The following UPF2 variants were observed in gnomAD, a reference collection of about 807,000 sequenced individuals.
UPF2 encodes UPF2 regulator of nonsense mediated mRNA decay, also known as regulator of nonsense transcripts 2.
In UPF2, 17 loss-of-function variants were observed where a neutral mutation model predicts 141.4. The ratio of observed to expected loss-of-function variants is 0.12; its 90% CI spans 0.08 to 0.18. UPF2 has a LOEUF of 0.18. Among genes scored for constraint, UPF2 ranks in the 10% least tolerant of loss-of-function variants. The pLI is 1.00. For missense variants in UPF2, 1,152 were observed against 1,515.9 expected (o/e 0.76, Z 3.99); for synonymous variants, 540 against 498.0 (o/e 1.08, Z -1.12).
At chr10:11,995,104 A>G (rs2131257027) in intron 8 of UPF2, among the ~76,000 whole-genome samples, 1 of 152,168 alleles carries the variant, frequency 6.6e-6, no homozygotes, top group Non-Finnish European at 1.5e-5. Context: ...TGCTATAAAG[A>G]ATACCTCTAT....
rs577374734 is a variant in UPF2, at chr10:12,031,622, A to T, written c.366-2098T>A. 9.9e-5 allele frequency among the ~76,000 whole-genome samples: 15 copies of T among 152,272 alleles called. No individual in the cohort carries two copies. In the East Asian group the frequency reaches 2.1e-3, roughly 22 times the overall value. ...GACCCAATCTCTACAAAAAAATTTT[A>T]AAAATTAGCTGGACATGGTGGCACA... On this transcript the variant is annotated intron_variant, in intron 2 of 21. Coordinates refer to ENST00000357604, the MANE Select transcript of UPF2 (RefSeq NM_015542.4).
chr10:12,018,167 G>GC (rs888829216), intron 3 of UPF2, among the ~76,000 whole-genome samples: 3 of 152,148 alleles, frequency 2.0e-5, no homozygotes, highest in Non-Finnish European at 4.4e-5. Context: ...CTAAGGATCG[G>GC]CCAGGCACAG....
rs1336226360 is a variant in UPF2 at position 11,973,293 on chromosome 10, CAGATGGGTAG to C, written c.1953+5754_1953+5763del. ...TAGATTCTGGATATTAGCCCTTTGT[CAGATGGGTAG>C]ATTGTAAAAATTTTCTCCCATTCTG... is the stretch of plus-strand genomic sequence containing the variant. On this transcript the variant is annotated intron_variant, in intron 9 of 21. Transcript: ENST00000357604. 4.9e-4 allele frequency among the ~76,000 whole-genome samples: 75 copies of C among 152,274 alleles called. 1 individual carries two copies. The highest frequency in any genetic ancestry group is 4.8e-3 in the Admixed American group (74 of 15,288).
chr10:11,922,322 A>C (rs1832655833), intron 21 of UPF2, among the ~76,000 whole-genome samples: 1 of 152,246 alleles, frequency 6.6e-6, no homozygotes, highest in Admixed American at 6.5e-5. Flanking sequence ...TGTTTCTTAC[A>C]GAGCAAGCTA....
intron 2 of UPF2, among the ~76,000 whole-genome samples, chr10:12,033,902 T>C (rs962781113): frequency 6.6e-6 from 1 of 152,208 alleles, no homozygotes; most frequent in Admixed American, 6.6e-5. Flanking sequence ...TAGTCACTGC[T>C]GATGCATCTC....
At position 11,959,408 on chromosome 10, in the gene UPF2, T is replaced by C. The variant is rs1253530518; in HGVS notation, c.2185-52A>G. ...AAACACGTTCCTTCTAAGATTCCTT[T>C]ACTCCTAACTAAACTTCTATTCTCA... On this transcript the variant is annotated intron_variant, in intron 11 of 21. Transcript: ENST00000357604. The surrounding 1 kb of genome is among the most constrained non-coding windows in gnomAD (Gnocchi z 5.9). The C allele has an allele frequency of 6.0e-6, 9 of 1,496,410 alleles. No individual in the cohort carries two copies. The South Asian group carries it at 1.1e-4, about 19-fold the overall frequency. The allele number at this position is 1,496,410 out of a possible 1,614,324, so 92.7% of individuals were successfully genotyped here.
chr10:11,977,689 T>A (rs1478754734), intron 9 of UPF2, among the ~76,000 whole-genome samples: 2 of 152,220 alleles, frequency 1.3e-5, no homozygotes, highest in Non-Finnish European at 2.9e-5. Context: ...TCAACAAGAA[T>A]ATCACGGCTT....
In UPF2 at chr10:12,001,717, T is replaced by C; in HGVS notation, c.1613A>G (p.Asp538Gly). ...TTTCTTTGTAAGATCTTCAGCTTCA[T>C]CTCCACCCTCTAATTCTAAGGTGTC... ...NDDTLELEGG[D>G]EAEDLTKKLL... is the part of the protein sequence containing the mutation. The change falls in exon 6 of 22, where the codon GAT becomes GGT. Residue 538 changes from aspartate (D) to glycine (G), a missense_variant. By Grantham distance (94) the Asp-to-Gly change is moderately conservative. Transcript: ENST00000357604. The C allele has an allele frequency of 1.2e-6, 2 of 1,610,812 alleles. No individual in the cohort carries two copies. The highest frequency in any genetic ancestry group is 1.7e-6 in the Non-Finnish European group (2 of 1,179,186).
At chr10:11,974,853 G>C (rs894788167) in intron 9 of UPF2, among the ~76,000 whole-genome samples, 2 of 152,114 alleles carry the variant, frequency 1.3e-5, no homozygotes, top group Non-Finnish European at 2.9e-5. Context: ...TATCTACTTG[G>C]AGTAGGGAGG....
At chr10:11,976,964 T>A (rs1248365163) in intron 9 of UPF2, among the ~76,000 whole-genome samples, 1 of 152,138 alleles carries the variant, frequency 6.6e-6, no homozygotes, top group Non-Finnish European at 1.5e-5. Context: ...AACAGTTGCG[T>A]AAGTTGGCCA....
At chr10:11,985,789 TTCA>T (rs1405082718) in intron 8 of UPF2, among the ~76,000 whole-genome samples, 4 of 152,038 alleles carry the variant, frequency 2.6e-5, no homozygotes, top group African/African-American at 9.6e-5. Flanking sequence ...ATAAAATATT[TTCA>T]TCAACTGCAA....
chr10:11,927,483 T>C (rs182452119), intron 21 of UPF2, among the ~76,000 whole-genome samples: 20 of 152,312 alleles, frequency 1.3e-4, no homozygotes, highest in African/African-American at 4.3e-4. Context: ...CAGGAGGGAA[T>C]AGATGTTATC....
chr10:12,000,381 T>C (rs1010051701), intron 6 of UPF2, among the ~76,000 whole-genome samples: 2 of 152,192 alleles, frequency 1.3e-5, no homozygotes, highest in African/African-American at 2.4e-5. Context: ...CCCTATTTCA[T>C]GTAATTCTAA....
rs181356922 is a variant in UPF2 at position 11,935,812 on chromosome 10, C to G, written c.3546+733G>C. 2.6e-5 allele frequency among the ~76,000 whole-genome samples: 4 copies of G among 152,118 alleles called. No homozygotes were observed. Among genetic ancestry groups the G allele is most frequent in the Non-Finnish European group, 5.9e-5 (4 of 68,036 alleles). On this transcript the variant is annotated intron_variant, in intron 19 of 21. Transcript: ENST00000357604. The surrounding 1 kb of genome is among the most constrained non-coding windows in gnomAD (Gnocchi z 4.9). ...TAGTGATGCTCAATAGTTGACAAAT[C>G]AACTATGGATCGCTAGAGTAACAGC...
chr10:11,977,925 A>C (rs1466888702), intron 9 of UPF2, among the ~76,000 whole-genome samples: 1 of 152,184 alleles, frequency 6.6e-6, no homozygotes, highest in East Asian at 1.9e-4. Context: ...TGAAAATCTG[A>C]AAAACACTTT....
rs1405686403 is a variant in UPF2 at position 11,992,179 on chromosome 10, G to T, written c.1844+5493C>A. Reference sequence around the variant, plus strand: ...ATGAAAATGACCTTCAGCAAATAAGGGCATTAGAGCAAGAAATTTTAATAT... The same window carrying T: ...ATGAAAATGACCTTCAGCAAATAAGTGCATTAGAGCAAGAAATTTTAATAT... On this transcript the variant is annotated intron_variant, in intron 8 of 21. Transcript: ENST00000357604. The surrounding 1 kb of genome is among the most constrained non-coding windows in gnomAD (Gnocchi z 4.1). Among the ~76,000 whole-genome samples the T allele has an allele frequency of 3.9e-5, 6 of 151,900 alleles. No homozygotes were observed. The highest frequency in any genetic ancestry group is 1.5e-4 in the African/African-American group (6 of 41,344).
At chr10:11,970,356 A>T (rs1833396361) in intron 9 of UPF2, among the ~76,000 whole-genome samples, 1 of 152,216 alleles carries the variant, frequency 6.6e-6, no homozygotes. Flanking sequence ...AAAAAAGGTA[A>T]AAATAAAACT....
chr10:12,010,340 A>C (rs1419940312), intron 4 of UPF2, among the ~76,000 whole-genome samples: 1 of 152,252 alleles, frequency 6.6e-6, no homozygotes, highest in East Asian at 1.9e-4. Context: ...AGATTTGTAG[A>C]CAAGGACTTT....
intron 1 of UPF2, among the ~76,000 whole-genome samples, chr10:12,038,653 C>T (rs1399676367): frequency 1.3e-5 from 2 of 151,466 alleles, no homozygotes; most frequent in East Asian, 2.0e-4. Flanking sequence ...CGCTTGAACC[C>T]GGGAGGCGGA....
Sources: allele counts gnomAD v4.1 joint callset (sites outside exome capture counted in the v4.1 genomes callset), GRCh38; gene constraint gnomAD v4.1.1; non-coding constraint Gnocchi (gnomAD v3.1); transcripts MANE v1.5; gene names NCBI Gene and HGNC (gene_info 2026-07-23, HGNC 2026-07-21).